The following PARD3B variants were observed in gnomAD, a reference collection of about 807,000 sequenced individuals.
PARD3B encodes the protein par-3 family cell polarity regulator beta, also known as partitioning defective 3 homolog B.
Under a neutral mutation model 130.2 loss-of-function variants are expected in PARD3B, and 103 were observed. The observed-to-expected ratio is 0.79, with a 90% CI of 0.67 to 0.93. The LOEUF (loss-of-function observed/expected upper bound fraction) is 0.93, where lower values mean the gene tolerates loss of function less well. PARD3B is among the 40% of genes least tolerant of loss of function. The pLI is 0.00. For synonymous variants in PARD3B, 583 were observed against 553.2 expected, an observed-to-expected ratio of 1.05 and a Z score of -0.76; for missense variants, 1,609 against 1,499.2, an observed-to-expected ratio of 1.07 and a Z score of -1.21.
At chr2:205,534,470 T>A (rs1235028069) in intron 21 of PARD3B, among the ~76,000 whole-genome samples, 3 of 152,052 alleles carry the variant, frequency 2.0e-5, no homozygotes, top group African/African-American at 7.2e-5. Flanking sequence ...AGTCCACTTT[T>A]TTTTTTTGGA....
At chr2:205,349,330 G>GA (rs34529202) in intron 18 of PARD3B, among the ~76,000 whole-genome samples, 36,174 of 152,084 alleles carry the variant, frequency 0.24, 6,464 homozygotes, top group African/African-American at 0.51. Context: ...GAAAAAGTGA[G>GA]AAAGAGACCC....
chr2:205,499,551 G>A (rs1451126699), intron 20 of PARD3B, among the ~76,000 whole-genome samples: 1 of 152,116 alleles, frequency 6.6e-6, no homozygotes, highest in East Asian at 1.9e-4. Flanking sequence ...TTGAGAAAAT[G>A]AGATATCCAT....
chr2:204,735,853 A>G (rs1330394966), intron 2 of PARD3B, among the ~76,000 whole-genome samples: 1 of 152,212 alleles, frequency 6.6e-6, no homozygotes, highest in Non-Finnish European at 1.5e-5. Context: ...AATAATTCAC[A>G]TCCGCATAAG....
chr2:204,673,730 G>C lies in PARD3B; in HGVS notation c.121-12451G>C, dbSNP rs2036410857. ...CCTACTGTATTTTATCTCTCAAATT[G>C]CTTATCACTTACTAACATATCATTA... is the stretch of plus-strand genomic sequence containing the variant. On this transcript the variant is annotated intron_variant, in intron 1 of 22. Coordinates refer to ENST00000406610, the MANE Select transcript of PARD3B (RefSeq NM_001302769.2). The surrounding 1 kb of genome is among the most constrained non-coding windows in gnomAD (Gnocchi z 4.7). Among the ~76,000 whole-genome samples, 1 of 152,084 alleles carries C rather than the reference G, an allele frequency of 6.6e-6. No individual in the cohort carries two copies.
At chr2:204,624,747 C>T (rs1055947788) in intron 1 of PARD3B, among the ~76,000 whole-genome samples, 4 of 152,046 alleles carry the variant, frequency 2.6e-5, no homozygotes, top group African/African-American at 7.2e-5. Flanking sequence ...GAGATAAAGG[C>T]CCAGGGATGT....
chr2:205,048,514 G>A (rs906837652), intron 4 of PARD3B: 2 of 152,080 alleles, frequency 1.3e-5, no homozygotes, highest in Non-Finnish European at 2.9e-5. Context: ...ATTGCAATAG[G>A]TAATCTTCGA....
intron 20 of PARD3B, among the ~76,000 whole-genome samples, chr2:205,474,476 T>A (rs1289351141): frequency 6.6e-6 from 1 of 152,142 alleles, no homozygotes; most frequent in African/African-American, 2.4e-5. Context: ...ACTGTGATAT[T>A]TTCCTGTGTC....
chr2:204,681,572 C>T (rs1006644806), intron 1 of PARD3B, among the ~76,000 whole-genome samples: 1 of 152,190 alleles, frequency 6.6e-6, no homozygotes, highest in Non-Finnish European at 1.5e-5. Flanking sequence ...GTATATTCAT[C>T]ACTGCCTTTT....
chr2:205,206,336 A>T (rs2037305468), intron 15 of PARD3B, among the ~76,000 whole-genome samples: 1 of 150,418 alleles, frequency 6.6e-6, no homozygotes, highest in African/African-American at 2.5e-5. Flanking sequence ...ATCTAGCATT[A>T]GGTATATCTC....
rs2041503920 is a variant in PARD3B, at chr2:205,288,983, CT to C, written c.2186-11546del. Reference sequence around the variant, plus strand: ...TGATCCCAAAAGTCCATGACCTTGTCTGATTTGTAATTTTGTTGATGGTGTC... The same window carrying C: ...TGATCCCAAAAGTCCATGACCTTGTCGATTTGTAATTTTGTTGATGGTGTC... On this transcript the variant is annotated intron_variant, in intron 16 of 22. Coordinates refer to ENST00000406610, the MANE Select transcript of PARD3B (RefSeq NM_001302769.2). The surrounding 1 kb of genome is among the most constrained non-coding windows in gnomAD (Gnocchi z 4.0). 6.6e-6 allele frequency among the ~76,000 whole-genome samples: 1 copy of C among 152,170 alleles called. No homozygotes were observed. The highest frequency in any genetic ancestry group is 2.4e-5 in the African/African-American group (1 of 41,446).
chr2:205,405,358 C>A lies in PARD3B; in HGVS notation c.2741+4235C>A, dbSNP rs1158178824. On this transcript the variant is annotated intron_variant, in intron 19 of 22. Transcript: ENST00000406610. The surrounding 1 kb of genome is among the most constrained non-coding windows in gnomAD (Gnocchi z 4.1). ...AATGCACAGGACAGCTACCCTCCCC[C>A]ACAACATGAATCATCCAACCCAAAA... Among the ~76,000 whole-genome samples, 1 of 152,136 alleles carries A rather than the reference C, an allele frequency of 6.6e-6. No homozygotes were observed. The highest frequency in any genetic ancestry group is 1.5e-5 in the Non-Finnish European group (1 of 68,032).
At chr2:205,553,161 G>C (rs200711886) in intron 21 of PARD3B, among the ~76,000 whole-genome samples, 163 bp from the exon 22 acceptor site, 1 of 152,200 alleles carries the variant, frequency 6.6e-6, no homozygotes, top group Non-Finnish European at 1.5e-5. Context: ...TTTGTGGCTT[G>C]ATCATCAATT....
At chr2:205,208,398 G>A (rs1380873859) in intron 15 of PARD3B, among the ~76,000 whole-genome samples, 1 of 138,294 alleles carries the variant, frequency 7.2e-6, no homozygotes, top group African/African-American at 2.9e-5. Flanking sequence ...GAAATAAAGG[G>A]TATTCAATTA....
intron 2 of PARD3B, among the ~76,000 whole-genome samples, chr2:204,903,301 C>A (rs2046933678): frequency 6.6e-6 from 1 of 152,074 alleles, no homozygotes. Flanking sequence ...GAGTGAAAGA[C>A]CATGCAAGGG....
intron 15 of PARD3B, among the ~76,000 whole-genome samples, chr2:205,209,448 AG>A (rs1284648599): frequency 6.6e-6 from 1 of 152,238 alleles, no homozygotes; most frequent in East Asian, 1.9e-4. Flanking sequence ...TATGAAGCTA[AG>A]GATGCTTATT....
chr2:204,784,249 A>G lies in PARD3B; in HGVS notation c.222+97967A>G, dbSNP rs150924743. Among the ~76,000 whole-genome samples the G allele has an allele frequency of 2.3e-3, 353 of 152,328 alleles. 1 individual carries two copies. The highest frequency in any genetic ancestry group is 4.1e-3 in the Non-Finnish European group (278 of 68,014). On this transcript the variant is annotated intron_variant, in intron 2 of 22. Coordinates refer to ENST00000406610, the MANE Select transcript of PARD3B (RefSeq NM_001302769.2). ...CATGCCTACTCTAACTAGTGGCAACACAGGCCTTCTTCACAGAGTTCTTAT... is the reference window on the plus strand; with the variant it reads ...CATGCCTACTCTAACTAGTGGCAACGCAGGCCTTCTTCACAGAGTTCTTAT...
At chr2:205,216,343 A>C (rs1052972282) in intron 15 of PARD3B, among the ~76,000 whole-genome samples, 1 of 152,114 alleles carries the variant, frequency 6.6e-6, no homozygotes, top group African/African-American at 2.4e-5. Context: ...CTCAGAACCT[A>C]TCTCAGTCAT....
intron 2 of PARD3B, among the ~76,000 whole-genome samples, chr2:204,823,027 C>A (rs1461576498): frequency 6.6e-6 from 1 of 152,112 alleles, no homozygotes; most frequent in Non-Finnish European, 1.5e-5. Context: ...CTCATCATTT[C>A]CCACAGCCAG....
intron 3 of PARD3B, among the ~76,000 whole-genome samples, chr2:204,988,689 G>A (rs1372222270): frequency 6.6e-6 from 1 of 152,110 alleles, no homozygotes; most frequent in Non-Finnish European, 1.5e-5. Flanking sequence ...GACAGAAAAA[G>A]AGAACTTTGT....
Sources: allele counts gnomAD v4.1 joint callset (sites outside exome capture counted in the v4.1 genomes callset), GRCh38; gene constraint gnomAD v4.1.1; non-coding constraint Gnocchi (gnomAD v3.1); transcripts MANE v1.5; gene names NCBI Gene and HGNC (gene_info 2026-07-23, HGNC 2026-07-21).